The following ALDH3A2 variants were observed in gnomAD, a reference collection of about 807,000 sequenced individuals.
ALDH3A2 encodes aldehyde dehydrogenase 3 family member A2, also known as aldehyde dehydrogenase family 3 member A2.
A neutral mutation model predicts 51.3 loss-of-function variants in ALDH3A2; 36 were observed. That is an observed-to-expected ratio of 0.70 (90% CI 0.54 to 0.93). ALDH3A2 has a LOEUF of 0.93. ALDH3A2 is among the 40% of genes least tolerant of loss of function. The probability of loss-of-function intolerance (pLI) is 0.00; values close to 1 mark genes in which losing one functional copy is unlikely to be tolerated. For missense variants in ALDH3A2, 552 were observed against 603.1 expected, an observed-to-expected ratio of 0.92 and a Z score of 0.89; for synonymous variants, 199 against 219.8, an observed-to-expected ratio of 0.91 and a Z score of 0.84.
In ALDH3A2 at chr17:19,654,643, A is replaced by T. The variant is rs116879117; in HGVS notation, c.472-1723A>T. ...CCCATTGAGCCTGCGCCCACCCAGA[A>T]CTCGCTCTGGCTTGTGAGCGCCACG... On this transcript the variant is annotated intron_variant, in intron 3 of 9. Coordinates refer to ENST00000176643, the MANE Select transcript of ALDH3A2 (RefSeq NM_000382.3). The surrounding 1 kb of genome is among the most constrained non-coding windows in gnomAD (Gnocchi z 4.5). Among the ~76,000 whole-genome samples the T allele has an allele frequency of 0.021, 3,152 of 151,980 alleles. 55 individuals are homozygous for T. Among genetic ancestry groups the T allele is most frequent in the African/African-American group, 0.045 (1,854 of 41,460 alleles).
At chr17:19,656,051 C>T (rs2084890848) in intron 3 of ALDH3A2, 3 of 390,326 alleles carry the variant, frequency 7.7e-6, no homozygotes, top group Non-Finnish European at 9.8e-6. Flanking sequence ...CACTTCTGCA[C>T]ACACCCGCGT....
rs928212568 is a variant in ALDH3A2 at position 19,664,837 on chromosome 17, A to G, written c.1108-111A>G. ...GAATTTTCACTGACACAAAGCCAGA[A>G]TGTGCATGCTTTGAGCACATAACTG... On this transcript the variant is annotated intron_variant, in intron 7 of 9. Transcript: ENST00000176643. 4 of 764,342 alleles carry G rather than the reference A, an allele frequency of 5.2e-6. No individual in the cohort carries two copies. The Admixed American group carries it at 7.8e-5, about 15-fold the overall frequency. 47.3% of individuals were successfully genotyped at this position (764,342 alleles called of 1,614,324 possible). A position where few individuals can be genotyped will look rare whatever the true frequency, so the allele number is the denominator to read the frequency against.
chr17:19,649,234 A>G, intron 1 of ALDH3A2, 110 bp downstream of exon 1: 4 of 1,390,882 alleles, frequency 2.9e-6, no homozygotes, highest in South Asian at 1.4e-5. Context: ...TTACTCCAGC[A>G]CTGGGAGTAT....
In ALDH3A2 at chr17:19,649,060, T is replaced by C. The variant is rs755424095; in HGVS notation, c.89T>C (p.Leu30Pro). ...TTTCGGCTGCAGCAGCTGGAGGCCC[T>C]GCGGAGGATGGTGCAGGAGCGCGAG... ...LRFRLQQLEA[L>P]RRMVQEREKD... Residue 30 changes from leucine (L) to proline (P), a missense_variant, in exon 1 of 10, where the codon CTG (leucine) becomes CCG (proline). Transcript: ENST00000176643. The C allele has an allele frequency of 6.3e-7, 1 of 1,584,344 alleles. No homozygotes were observed. Among genetic ancestry groups the C allele is most frequent in the East Asian group, 2.3e-5 (1 of 43,514 alleles).
upstream of ALDH3A2, chr17:19,648,476 GC>G (rs1251194760): frequency 1.3e-5 from 2 of 154,112 alleles, no homozygotes; most frequent in Admixed American, 1.3e-4. Flanking sequence ...CCAGCCGAGC[GC>G]CCTCCGCCTG....
chr17:19,658,501 G>A (rs1213874477), intron 5 of ALDH3A2, among the ~76,000 whole-genome samples: 1 of 151,980 alleles, frequency 6.6e-6, no homozygotes, highest in Non-Finnish European at 1.5e-5. Context: ...TAGGGGGGCA[G>A]ATCACTTGAG....
chr17:19,673,350 G>GTT, intron 9 of ALDH3A2: 1 of 1,251,490 alleles, frequency 8.0e-7, no homozygotes, highest in Non-Finnish European at 1.1e-6. Context: ...TTTTTGGTTT[G>GTT]TTTTTGTTTT....
chr17:19,655,282 C>T (rs896263816), intron 3 of ALDH3A2: 2 of 152,136 alleles, frequency 1.3e-5, no homozygotes, highest in Non-Finnish European at 2.9e-5. Context: ...TTGTTAGAGC[C>T]ATTTTGTTCT....
In ALDH3A2 at chr17:19,665,299, G is replaced by T. The variant is rs376606150; in HGVS notation, c.1207+252G>T. Among the ~76,000 whole-genome samples, 5 of 151,776 alleles carry T rather than the reference G, an allele frequency of 3.3e-5. No homozygotes were observed. In the East Asian group the frequency reaches 5.8e-4, roughly 18 times the overall value. On this transcript the variant is annotated intron_variant, in intron 8 of 9. Transcript: ENST00000176643. ...TGACCACAGCTTTGTTCACTTCGTT[G>T]ATTTTGTTATCCTGCCACATTTAGG...
chr17:19,658,748 TAAA>T (rs34082599), intron 5 of ALDH3A2, among the ~76,000 whole-genome samples: 40 of 138,794 alleles, frequency 2.9e-4, no homozygotes, highest in Admixed American at 6.4e-4. Context: ...ACTCTGTCTT[TAAA>T]AAAAAAAAAA....
chr17:19,653,584 C>T (rs2084848959), intron 3 of ALDH3A2, among the ~76,000 whole-genome samples: 1 of 149,880 alleles, frequency 6.7e-6, no homozygotes, highest in African/African-American at 2.5e-5. Context: ...GTTGTTAGTT[C>T]CTCCTGTCTG....
intron 5 of ALDH3A2, chr17:19,659,816 C>T (rs2084943933): frequency 6.6e-6 from 1 of 151,372 alleles, no homozygotes. Context: ...TGGACTCCAG[C>T]CTGGGTGACA....
rs373813595 is a variant in ALDH3A2, at chr17:19,663,324, T to C, written c.941-9T>C. On this transcript the variant is annotated splice_polypyrimidine_tract_variant and intron_variant, in intron 6 of 9. Transcript: ENST00000176643. ...ATAAGCATTTTCATTTTGTTTATTT[T>C]CTTTTTAGCCCCAACAGTACTTACC... 64 of 1,613,710 alleles carry C rather than the reference T, an allele frequency of 4.0e-5. No individual in the cohort carries two copies. Among genetic ancestry groups the C allele is most frequent in the Admixed American group, 1.3e-4 (8 of 60,004 alleles).
chr17:19,648,883 G>C lies in ALDH3A2; in HGVS notation c.-89G>C. On this transcript the variant is annotated 5_prime_UTR_variant, in exon 1 of 10. Coordinates refer to ENST00000176643, the MANE Select transcript of ALDH3A2 (RefSeq NM_000382.3). ...GAGACACCCCCCGGAGGGAGGCGGA[G>C]GGAAGGGAGGCGAGGCCTGCACCTG... 6.7e-7 allele frequency: 1 copy of C among 1,496,310 alleles called. No homozygotes were observed. The highest frequency in any genetic ancestry group is 9.0e-7 in the Non-Finnish European group (1 of 1,111,558). 92.7% of individuals were successfully genotyped at this position (1,496,310 alleles called of 1,614,324 possible).
At chr17:19,666,296 T>A (rs941900237) in intron 8 of ALDH3A2, among the ~76,000 whole-genome samples, 42 of 152,136 alleles carry the variant, frequency 2.8e-4, no homozygotes, top group Non-Finnish European at 8.8e-5. Flanking sequence ...TTGGACTCTG[T>A]TGTCTCTGTT....
At chr17:19,653,615 T>C (rs2084849681) in intron 3 of ALDH3A2, among the ~76,000 whole-genome samples, 1 of 151,778 alleles carries the variant, frequency 6.6e-6, no homozygotes, top group South Asian at 2.1e-4. Context: ...TTCCTCCCGG[T>C]GGGTTCGTGG....
chr17:19,664,547 CAT>C (rs1479147839), intron 7 of ALDH3A2, among the ~76,000 whole-genome samples: 10 of 152,146 alleles, frequency 6.6e-5, no homozygotes, highest in African/African-American at 2.2e-4. Context: ...ACCTATTAAT[CAT>C]GTGTTATAAT....
intron 6 of ALDH3A2, among the ~76,000 whole-genome samples, chr17:19,662,650 T>G (rs2084981182): frequency 6.6e-6 from 1 of 152,190 alleles, no homozygotes; most frequent in South Asian, 2.1e-4. Flanking sequence ...TTTAGGGAAT[T>G]TTGACCATTT....
chr17:19,662,515 G>C (rs553611939), intron 6 of ALDH3A2, among the ~76,000 whole-genome samples: 6 of 152,298 alleles, frequency 3.9e-5, no homozygotes, highest in Admixed American at 3.9e-4. Context: ...ATCTTTTGGA[G>C]TACTGCTAGT....
Sources: allele counts gnomAD v4.1 joint callset (sites outside exome capture counted in the v4.1 genomes callset), GRCh38; gene constraint gnomAD v4.1.1; non-coding constraint Gnocchi (gnomAD v3.1); transcripts MANE v1.5; gene names NCBI Gene and HGNC (gene_info 2026-07-23, HGNC 2026-07-21).